The following HSPA12A variants were observed in gnomAD, a reference collection of about 807,000 sequenced individuals.
HSPA12A encodes heat shock 70 kDa protein 12A.
Under a neutral mutation model 69.2 loss-of-function variants are expected in HSPA12A, and 28 were observed. The observed-to-expected ratio is 0.40, with a 90% CI of 0.30 to 0.55. HSPA12A has a LOEUF of 0.55. HSPA12A is among the 20% of genes least tolerant of loss of function. HSPA12A has a pLI of 0.38. For missense variants in HSPA12A, 686 were observed against 900.7 expected (o/e 0.76, Z 3.05); for synonymous variants, 345 against 370.5 (o/e 0.93, Z 0.79).
intron 2 of HSPA12A, among the ~76,000 whole-genome samples, chr10:116,813,263 T>TTTTTTTTTG (rs1845230777): frequency 6.8e-6 from 1 of 147,382 alleles, no homozygotes. Context: ...TTTTTTTTTT[T>TTTTTTTTTG]GAGATGGAGT....
chr10:116,688,815 G>A (rs1375234716), intron 6 of HSPA12A, among the ~76,000 whole-genome samples: 1 of 152,138 alleles, frequency 6.6e-6, no homozygotes, highest in East Asian at 1.9e-4. Flanking sequence ...CACATTTTAG[G>A]CAAAATGCCC....
intron 1 of HSPA12A, among the ~76,000 whole-genome samples, chr10:116,737,302 C>T (rs1014426816): frequency 1.3e-5 from 2 of 152,202 alleles, no homozygotes; most frequent in African/African-American, 2.4e-5. Context: ...AGGCTCATAC[C>T]TAAGCTCATT....
intron 2 of HSPA12A, among the ~76,000 whole-genome samples, chr10:116,770,895 T>A (rs114421271): frequency 6.6e-6 from 1 of 152,122 alleles, no homozygotes; most frequent in African/African-American, 2.4e-5. Context: ...AAGCCTCTCT[T>A]GGGGGAGATT....
At chr10:116,777,955 T>G (rs973448008) in intron 2 of HSPA12A, among the ~76,000 whole-genome samples, 6 of 152,176 alleles carry the variant, frequency 3.9e-5, no homozygotes, top group Admixed American at 1.3e-4. Flanking sequence ...CTCAAACTCC[T>G]GACCTCATGA....
At chr10:116,848,904 C>T (rs2133232828) in intron 1 of HSPA12A, among the ~76,000 whole-genome samples, 1 of 152,310 alleles carries the variant, frequency 6.6e-6, no homozygotes, top group East Asian at 1.9e-4. Flanking sequence ...ACTAATATCC[C>T]AGAGAAGGGC....
At chr10:116,747,117 C>T (rs782414682), upstream of HSPA12A, among the ~76,000 whole-genome samples, 8 of 152,208 alleles carry the variant, frequency 5.3e-5, no homozygotes, top group Admixed American at 2.0e-4. Context: ...CCAGTGTATA[C>T]ATCCTCCCCA....
intron 2 of HSPA12A, among the ~76,000 whole-genome samples, chr10:116,804,623 T>C (rs577356874): frequency 6.6e-6 from 1 of 152,186 alleles, no homozygotes; most frequent in Non-Finnish European, 1.5e-5. Flanking sequence ...TGCGTGTTCC[T>C]ACGCAACAAA....
At chr10:116,776,830 A>G (rs1251133575) in intron 2 of HSPA12A, among the ~76,000 whole-genome samples, 3 of 152,234 alleles carry the variant, frequency 2.0e-5, no homozygotes, top group African/African-American at 7.2e-5. Context: ...TTAGATGTAT[A>G]TCCTTAAAAG....
chr10:116,823,395 T>C (rs1206572040), intron 2 of HSPA12A, among the ~76,000 whole-genome samples: 1 of 152,184 alleles, frequency 6.6e-6, no homozygotes, highest in African/African-American at 2.4e-5. Context: ...AGTCTCAACA[T>C]GATCCCTGCA....
chr10:116,677,765 CA>C (rs1286923281), intron 10 of HSPA12A, among the ~76,000 whole-genome samples: 5 of 152,192 alleles, frequency 3.3e-5, no homozygotes, highest in Non-Finnish European at 7.3e-5. Flanking sequence ...AAGACACTGT[CA>C]ACCACCACAA....
At chr10:116,733,882 G>A (rs66688522) in intron 1 of HSPA12A, among the ~76,000 whole-genome samples, 38,230 of 151,980 alleles carry the variant, frequency 0.25, 5,072 homozygotes, top group East Asian at 0.28. Context: ...TGGGTTTATA[G>A]GGACGTAACC....
At chr10:116,825,365 C>T (rs1188532017) in intron 2 of HSPA12A, among the ~76,000 whole-genome samples, 2 of 151,762 alleles carry the variant, frequency 1.3e-5, no homozygotes. Flanking sequence ...CAAAAAATTA[C>T]CAGGGCATGG....
At chr10:116,682,867 A>ATTTTTTTTTTTTTTTT (rs60393392) in intron 7 of HSPA12A, among the ~76,000 whole-genome samples, 19 of 117,724 alleles carry the variant, frequency 1.6e-4, no homozygotes, top group African/African-American at 6.3e-4. Flanking sequence ...CGCCCGGCTA[A>ATTTTTTTTTTTTTTTT]TTTTTTTTTT....
Position 116,674,702 on chromosome 10 carries a change from T to G in HSPA12A, c.*79A>C. ...CATGGGCAATGGTGAGGGTCAAGGT[T>G]AGGGAAAGAACAGTCAAGGTTGAGG... is the stretch of plus-strand genomic sequence containing the variant. On this transcript the variant is annotated 3_prime_UTR_variant, in exon 12 of 12. Transcript: ENST00000369209. 1 of 1,417,304 alleles carries G rather than the reference T, an allele frequency of 7.1e-7. No individual in the cohort carries two copies. The highest frequency in any genetic ancestry group is 9.7e-7 in the Non-Finnish European group (1 of 1,035,306). 87.8% of individuals were successfully genotyped at this position (1,417,304 alleles called of 1,614,324 possible).
rs1323679685 is a variant in HSPA12A, at chr10:116,672,795, C to T, written c.*1986G>A. On this transcript the variant is annotated 3_prime_UTR_variant, in exon 12 of 12. Transcript: ENST00000369209. ...GCTGGCAACAAAGAAAGACCCATAC[C>T]ATTTAGCGTTTGAAGCAGGGCAGGT... 2 of 152,522 alleles carry T rather than the reference C, an allele frequency of 1.3e-5. No individual in the cohort carries two copies. Among genetic ancestry groups the T allele is most frequent in the Non-Finnish European group, 2.9e-5 (2 of 68,028 alleles). 9.4% of individuals were successfully genotyped at this position (152,522 alleles called of 1,614,324 possible).
intron 1 of HSPA12A, among the ~76,000 whole-genome samples, chr10:116,734,970 C>A (rs960952845): frequency 4.6e-5 from 7 of 151,934 alleles, no homozygotes; most frequent in African/African-American, 1.5e-4. Flanking sequence ...CCAGCCTGAG[C>A]GACAGAGCGA....
At chr10:116,756,908 T>C (rs1843862210) in intron 2 of HSPA12A, among the ~76,000 whole-genome samples, 1 of 152,182 alleles carries the variant, frequency 6.6e-6, no homozygotes, top group Non-Finnish European at 1.5e-5. Flanking sequence ...AAAGCTAATA[T>C]TGAGCACTTA....
At chr10:116,849,530 C>T (rs1291040544) in intron 1 of HSPA12A, 15 of 1,473,154 alleles carry the variant, frequency 1.0e-5, no homozygotes, top group African/African-American at 1.4e-5. Context: ...TCGTGGGACC[C>T]CAGGCTAAAC....
At chr10:116,811,653 A>T (rs1397595829) in intron 2 of HSPA12A, among the ~76,000 whole-genome samples, 1 of 151,822 alleles carries the variant, frequency 6.6e-6, no homozygotes, top group Non-Finnish European at 1.5e-5. Context: ...GTCAGGCTAA[A>T]CATCTTCACA....
Sources: gnomAD v4.1 joint callset for allele counts (sites outside exome capture counted in the v4.1 genomes callset) on GRCh38, gnomAD v4.1.1 for gene constraint, MANE v1.5 for transcripts, NCBI Gene and HGNC (gene_info 2026-07-23, HGNC 2026-07-21) for gene names.